The following ZNF678 variants were observed in gnomAD, a reference collection of about 807,000 sequenced individuals.
ZNF678 encodes hypothetical protein MGC42493.
In ZNF678, 5 loss-of-function variants were observed where a neutral mutation model predicts 3.0. The observed-to-expected ratio is 1.69, with a 90% CI of 0.88 to 3.56. ZNF678 has a LOEUF of 3.56. Ranked by LOEUF, ZNF678 falls within the 30% of genes most tolerant of loss-of-function variation. The pLI is 0.00. For synonymous variants in ZNF678, 218 were observed against 199.6 expected, an observed-to-expected ratio of 1.09 and a Z score of -0.78; for missense variants, 593 against 605.0, an observed-to-expected ratio of 0.98 and a Z score of 0.21.
chr1:227,666,134 T>G (rs552397812), downstream of ZNF678, among the ~76,000 whole-genome samples: 6 of 152,342 alleles, frequency 3.9e-5, no homozygotes, highest in South Asian at 6.2e-4. Flanking sequence ...CATTATTTAG[T>G]CTGATACTTC....
chr1:227,608,392 G>A (rs970297750), intron 1 of ZNF678, among the ~76,000 whole-genome samples: 2 of 152,036 alleles, frequency 1.3e-5, no homozygotes, highest in Admixed American at 6.5e-5. Flanking sequence ...GTCATATTCA[G>A]TAAAGTAGAG....
chr1:227,595,145 A>G (rs1163568293), intron 1 of ZNF678, among the ~76,000 whole-genome samples: 4 of 136,560 alleles, frequency 2.9e-5, no homozygotes, highest in Non-Finnish European at 4.6e-5. Context: ...TTAAAGGAAT[A>G]AGGTACGCTG....
At chr1:227,665,671 G>A (rs1558163172), downstream of ZNF678, among the ~76,000 whole-genome samples, 1 of 152,214 alleles carries the variant, frequency 6.6e-6, no homozygotes, top group Non-Finnish European at 1.5e-5. Flanking sequence ...GTCAAAATAT[G>A]AATTAGACAA....
chr1:227,593,341 T>TAAA, intron 1 of ZNF678, among the ~76,000 whole-genome samples: 1 of 152,242 alleles, frequency 6.6e-6, no homozygotes, highest in Non-Finnish European at 1.5e-5. Flanking sequence ...AAGTTTGTTT[T>TAAA]AAGTCTTTAA....
chr1:227,649,442 C>T (rs925887927), intron 2 of ZNF678, among the ~76,000 whole-genome samples: 1 of 152,156 alleles, frequency 6.6e-6, no homozygotes, highest in Non-Finnish European at 1.5e-5. Context: ...CCTCCACCTC[C>T]CAGGTTCAAG....
intron 5 of ZNF678, among the ~76,000 whole-genome samples, chr1:227,674,200 A>C (rs975500238): frequency 1.3e-5 from 2 of 152,192 alleles, no homozygotes; most frequent in Non-Finnish European, 2.9e-5. Context: ...AAGCCTTTAG[A>C]TTATAGGTTA....
chr1:227,628,506 C>T (rs185774719), intron 1 of ZNF678, among the ~76,000 whole-genome samples: 115 of 152,300 alleles, frequency 7.6e-4, no homozygotes, highest in Non-Finnish European at 1.1e-3. Flanking sequence ...TCAACAGCAG[C>T]CTTTTATGCC....
At chr1:227,609,275 A>G (rs542527598) in intron 1 of ZNF678, among the ~76,000 whole-genome samples, 1 of 152,366 alleles carries the variant, frequency 6.6e-6, no homozygotes, top group African/African-American at 2.4e-5. Flanking sequence ...CCATATTTGG[A>G]AAAGAACTAA....
chr1:227,605,975 C>T (rs1657857745), intron 1 of ZNF678, among the ~76,000 whole-genome samples: 1 of 152,216 alleles, frequency 6.6e-6, no homozygotes, highest in African/African-American at 2.4e-5. Context: ...AGGTGTATAA[C>T]TCTTTTTATA....
chr1:227,631,786 G>A (rs180908510), intron 1 of ZNF678, among the ~76,000 whole-genome samples: 1 of 152,212 alleles, frequency 6.6e-6, no homozygotes, highest in Admixed American at 6.5e-5. Flanking sequence ...TGGGCGCCAT[G>A]TTGTCCTTCC....
At chr1:227,607,286 T>C (rs1325090314) in intron 1 of ZNF678, among the ~76,000 whole-genome samples, 1 of 152,172 alleles carries the variant, frequency 6.6e-6, no homozygotes, top group African/African-American at 2.4e-5. Flanking sequence ...TGTGAAAAAA[T>C]GAGGCTTTGA....
At chr1:227,636,761 C>A (rs1370778129) in intron 1 of ZNF678, among the ~76,000 whole-genome samples, 3 of 152,034 alleles carry the variant, frequency 2.0e-5, no homozygotes, top group Non-Finnish European at 4.4e-5. Context: ...TGCAGTAGAC[C>A]CAGTGGGGGA....
At chr1:227,594,082 A>G (rs560180450) in intron 1 of ZNF678, among the ~76,000 whole-genome samples, 1 of 152,200 alleles carries the variant, frequency 6.6e-6, no homozygotes, top group South Asian at 2.1e-4. Flanking sequence ...TGAAGTATAT[A>G]ATTTTAAAGA....
chr1:227,597,171 G>A (rs1657613909), intron 1 of ZNF678, among the ~76,000 whole-genome samples: 6 of 152,224 alleles, frequency 3.9e-5, no homozygotes, highest in Admixed American at 3.9e-4. Context: ...TGGAAACAAA[G>A]GGGTGGGCCA....
intron 1 of ZNF678, among the ~76,000 whole-genome samples, chr1:227,608,194 A>G (rs1483630308): frequency 6.6e-6 from 1 of 152,132 alleles, no homozygotes; most frequent in South Asian, 2.1e-4. Context: ...ACCAAAAAGT[A>G]TTATCTAGCC....
intron 5 of ZNF678, among the ~76,000 whole-genome samples, chr1:227,668,762 T>A (rs1347131439): frequency 1.3e-5 from 2 of 152,238 alleles, no homozygotes; most frequent in Non-Finnish European, 1.5e-5. Flanking sequence ...AGGATCTATT[T>A]GTATTCTTCT....
intron 1 of ZNF678, among the ~76,000 whole-genome samples, chr1:227,615,571 G>A (rs1466241450): frequency 3.9e-5 from 6 of 152,144 alleles, no homozygotes; most frequent in Admixed American, 1.3e-4. Flanking sequence ...AAGCAACTCC[G>A]AACCTACTAC....
At chr1:227,600,302 T>G (rs753591848) in intron 1 of ZNF678, among the ~76,000 whole-genome samples, 8 of 152,230 alleles carry the variant, frequency 5.3e-5, no homozygotes, top group Non-Finnish European at 7.4e-5. Flanking sequence ...ATAGAATGAT[T>G]TATATTTCTT....
chr1:227,590,523 G>A (rs1158734785), intron 1 of ZNF678, among the ~76,000 whole-genome samples: 1 of 151,694 alleles, frequency 6.6e-6, no homozygotes, highest in Non-Finnish European at 1.5e-5. Flanking sequence ...TGCCCAAGCG[G>A]CAGGCCCATA....
Sources: gnomAD v4.1 joint callset for allele counts (sites outside exome capture counted in the v4.1 genomes callset) on GRCh38, gnomAD v4.1.1 for gene constraint, MANE v1.5 for transcripts, NCBI Gene and HGNC (gene_info 2026-07-23, HGNC 2026-07-21) for gene names.